The following SEC14L4 variants were observed in gnomAD, a reference collection of about 807,000 sequenced individuals.
The protein encoded by SEC14L4 is SEC14-like protein 4.
Under a neutral mutation model 55.1 loss-of-function variants are expected in SEC14L4, and 42 were observed. The observed-to-expected ratio is 0.76, with a 90% CI of 0.60 to 0.99. The LOEUF (loss-of-function observed/expected upper bound fraction) is 0.99. Among genes scored for constraint, SEC14L4 ranks in the 50% least tolerant of loss-of-function variants. The pLI, the probability that SEC14L4 is intolerant of heterozygous loss-of-function variation, is 0.00. For synonymous variants in SEC14L4, 206 were observed against 206.8 expected (o/e 1.00, Z 0.03); for missense variants, 445 against 512.1 (o/e 0.87, Z 1.27).
chr22:30,501,846 C>CATTATATAT (rs1555877929), intron 2 of SEC14L4, among the ~76,000 whole-genome samples: 1 of 111,910 alleles, frequency 8.9e-6, no homozygotes, highest in Non-Finnish European at 1.8e-5. Context: ...CACACACGCA[C>CATTATATAT]ATATATATAT....
chr22:30,497,451 G>C (rs932001761), intron 2 of SEC14L4, among the ~76,000 whole-genome samples: 1 of 151,920 alleles, frequency 6.6e-6, no homozygotes, highest in Non-Finnish European at 1.5e-5. Context: ...CTTGAACCCA[G>C]GAGAAGGAAG....
intron 2 of SEC14L4, among the ~76,000 whole-genome samples, chr22:30,496,232 C>G (rs1455619991): frequency 6.6e-6 from 1 of 152,098 alleles, no homozygotes; most frequent in Non-Finnish European, 1.5e-5. Context: ...CCTACCCCAG[C>G]CTCCTGAGTA....
At chr22:30,501,136 C>T (rs543540640) in intron 2 of SEC14L4, among the ~76,000 whole-genome samples, 2 of 152,228 alleles carry the variant, frequency 1.3e-5, no homozygotes, top group African/African-American at 4.8e-5. Context: ...GGAGAGGGTC[C>T]TCTACCAAGC....
chr22:30,493,976 C>G (rs1046575856), intron 7 of SEC14L4, among the ~76,000 whole-genome samples, 174 bp downstream of exon 7: 1 of 152,062 alleles, frequency 6.6e-6, no homozygotes, highest in South Asian at 2.1e-4. Flanking sequence ...TGCACTCCGG[C>G]CTGGGTGACA....
Position 30,489,888 on chromosome 22 carries a change from G to A in SEC14L4, c.*219C>T, listed in dbSNP as rs1459645803. 8 of 1,551,696 alleles carry A rather than the reference G, an allele frequency of 5.2e-6. No homozygotes were observed. Among genetic ancestry groups the A allele is most frequent in the Admixed American group, 3.9e-5 (2 of 50,994 alleles). ...TTCTCAGCCGCATTCTCTGGGAACAGGGAAAGAGGTTCCTGTCTGAATCTT... is the reference window on the plus strand; with the variant it reads ...TTCTCAGCCGCATTCTCTGGGAACAAGGAAAGAGGTTCCTGTCTGAATCTT... On this transcript the variant is annotated 3_prime_UTR_variant, in exon 12 of 12. Transcript: ENST00000255858.
Position 30,492,150 on chromosome 22 carries a change from A to G in SEC14L4, c.670T>C (p.Trp224Arg). The G allele has an allele frequency of 1.9e-6, 3 of 1,610,436 alleles. No homozygotes were observed. Among genetic ancestry groups the G allele is most frequent in the Non-Finnish European group, 2.5e-6 (3 of 1,178,146 alleles). ...RRKIVILGDN[W>R]KQELTKFISP... ...ATGAATTTTGTCAGCTCCTGCTTCC[A>G]GTTGTCTGCATGGGAGCAAGAGAGG... Residue 224 changes from tryptophan (W) to arginine (R), a missense_variant, in exon 9 of 12, where the codon TGG becomes CGG. Transcript: ENST00000255858.
At chr22:30,501,643 G>A (rs780674182) in intron 2 of SEC14L4, among the ~76,000 whole-genome samples, 5 of 151,716 alleles carry the variant, frequency 3.3e-5, no homozygotes, top group African/African-American at 4.8e-5. Flanking sequence ...AATAATATAC[G>A]GACTGTAGTT....
At chr22:30,500,538 T>G (rs926033030) in intron 2 of SEC14L4, among the ~76,000 whole-genome samples, 1 of 151,772 alleles carries the variant, frequency 6.6e-6, no homozygotes, top group African/African-American at 2.4e-5. Context: ...GGCTTATTTT[T>G]GAATTTTTTG....
rs770806581 is a variant in SEC14L4 at position 30,491,526 on chromosome 22, G to A, written c.1081+47C>T. On this transcript the variant is annotated intron_variant, in intron 11 of 11. Coordinates refer to ENST00000255858, the MANE Select transcript of SEC14L4 (RefSeq NM_174977.4). Reference sequence around the variant, plus strand: ...AGCTGGAAAGAGAGGGCAAGCAGAGGGGAGACTGGCAGGGAAAACAATTCC... The same window carrying A: ...AGCTGGAAAGAGAGGGCAAGCAGAGAGGAGACTGGCAGGGAAAACAATTCC... The A allele has an allele frequency of 1.9e-6, 3 of 1,609,124 alleles. No individual in the cohort carries two copies. The African/African-American group carries it at 4.0e-5, about 22-fold the overall frequency.
intron 10 of SEC14L4, 22 bp downstream of exon 10, chr22:30,491,812 G>A: frequency 6.2e-7 from 1 of 1,612,016 alleles, no homozygotes; most frequent in Non-Finnish European, 8.5e-7. Context: ...GTGCCCAGGT[G>A]TAGAGTGGCT....
intron 2 of SEC14L4, among the ~76,000 whole-genome samples, chr22:30,501,872 T>C (rs1271274294): frequency 7.0e-6 from 1 of 142,370 alleles, no homozygotes; most frequent in Non-Finnish European, 1.5e-5. Context: ...TATATATATA[T>C]ATACATACAC....
chr22:30,498,484 G>C (rs1283473599), intron 2 of SEC14L4, among the ~76,000 whole-genome samples: 3 of 152,126 alleles, frequency 2.0e-5, no homozygotes, highest in Non-Finnish European at 2.9e-5. Flanking sequence ...TGGTTTTCAA[G>C]GGAGACAAGC....
chr22:30,501,837 ACACACG>A (rs1438022322), intron 2 of SEC14L4, among the ~76,000 whole-genome samples: 33 of 107,426 alleles, frequency 3.1e-4, no homozygotes, highest in African/African-American at 1.1e-3. Flanking sequence ...ATATATACAC[ACACACG>A]CACATATATA....
intron 6 of SEC14L4, 111 bp from the exon 7 acceptor site, chr22:30,494,321 A>ACCTT: frequency 1.3e-6 from 1 of 781,484 alleles, no homozygotes; most frequent in Non-Finnish European, 2.3e-6. Flanking sequence ...GGCCCATCCT[A>ACCTT]CCTTCCCCAC....
rs1055715342 is a variant in SEC14L4 at position 30,491,880 on chromosome 22, A to T, written c.865T>A (p.Ser289Thr). Residue 289 changes from serine to threonine, a missense_variant, in exon 10 of 12, where the codon TCC becomes ACC. Coordinates refer to ENST00000255858, the MANE Select transcript of SEC14L4 (RefSeq NM_174977.4). ...EHTRSVGRGSSLQVENEILFP... is the reference protein window; with the variant it reads ...EHTRSVGRGSTLQVENEILFP... The stretch of plus-strand genomic sequence containing the variant: ...AGGATCTCGTTCTCCACCTGCAGGG[A>T]GGAGCCGCGGCCCACGGACCTCGTG... 10 of 1,613,026 alleles carry T rather than the reference A, an allele frequency of 6.2e-6. No homozygotes were observed. Among genetic ancestry groups the T allele is most frequent in the Non-Finnish European group, 8.5e-6 (10 of 1,179,796 alleles).
intron 2 of SEC14L4, 76 bp from the exon 3 acceptor site, chr22:30,496,047 C>T (rs1401891924): frequency 8.1e-7 from 1 of 1,229,680 alleles, no homozygotes; most frequent in Non-Finnish European, 1.2e-6. Flanking sequence ...CATGAGGAAA[C>T]AGCTAAGGTG....
In SEC14L4 at chr22:30,491,421, C is replaced by T. The variant is rs1029432930; in HGVS notation, c.1081+152G>A. 9 of 788,130 alleles carry T rather than the reference C, an allele frequency of 1.1e-5. No homozygotes were observed. The Middle Eastern group carries it at 7.6e-4, about 66-fold the overall frequency. 48.8% of individuals were successfully genotyped at this position (788,130 alleles called of 1,614,324 possible). A position where few individuals can be genotyped will look rare whatever the true frequency, so the allele number is the denominator to read the frequency against. ...CAATGAATCTCTGCCCTCATACCTACAGGTAGGGGCCACTCATCTGATCCA... is the reference window on the plus strand; with the variant it reads ...CAATGAATCTCTGCCCTCATACCTATAGGTAGGGGCCACTCATCTGATCCA... On this transcript the variant is annotated intron_variant, in intron 11 of 11. Transcript: ENST00000255858.
In SEC14L4 at chr22:30,495,933, G is replaced by A. The variant is rs367862392; in HGVS notation, c.169C>T (p.Arg57Ter). The change falls in exon 3 of 12, where the codon CGA (arginine) becomes TGA (stop). Residue 57 changes from arginine to a stop codon, truncating the protein, a stop_gained. Coordinates refer to ENST00000255858, the MANE Select transcript of SEC14L4 (RefSeq NM_174977.4). LOFTEE classifies it high-confidence loss of function. Reference sequence around the variant, plus strand: ...TAGGGATCACAGATCCTTACCCTTCGGAGCATGTCTTCGGATTTCTGCAGG... The same window carrying A: ...TAGGGATCACAGATCCTTACCCTTCAGAGCATGTCTTCGGATTTCTGCAGG... ...FDLQKSEDML[R>*]RHMEFRKQQD... is the part of the protein sequence containing the mutation. The A allele has an allele frequency of 2.4e-5, 39 of 1,613,876 alleles. No individual in the cohort carries two copies. Among genetic ancestry groups the A allele is most frequent in the Admixed American group, 2.0e-4 (12 of 59,970 alleles).
intron 2 of SEC14L4, among the ~76,000 whole-genome samples, chr22:30,500,585 T>C (rs1012546075): frequency 2.0e-5 from 3 of 151,324 alleles, no homozygotes; most frequent in African/African-American, 7.3e-5. Context: ...CAGGCTGGTC[T>C]TGAACTCCTG....
Sources: allele counts gnomAD v4.1 joint callset (sites outside exome capture counted in the v4.1 genomes callset), GRCh38; gene constraint gnomAD v4.1.1; transcripts MANE v1.5; gene names NCBI Gene and HGNC (gene_info 2026-07-23, HGNC 2026-07-21).